The following GIP variants were observed in gnomAD, a reference collection of about 807,000 sequenced individuals.
GIP encodes gastric inhibitory polypeptide.
In GIP, 16 loss-of-function variants were observed where a neutral mutation model predicts 18.1. The observed-to-expected ratio is 0.88, with a 90% CI of 0.60 to 1.34. GIP has a LOEUF of 1.34. Ranked by LOEUF, GIP falls within the 40% of genes most tolerant of loss-of-function variation. The pLI, the probability that GIP is intolerant of heterozygous loss-of-function variation, is 0.00. For missense variants in GIP, 192 were observed against 183.4 expected (o/e 1.05, Z -0.27); for synonymous variants, 76 against 74.0 (o/e 1.03, Z -0.14).
At chr17:48,965,298 T>C (rs1215817614) in intron 2 of GIP, among the ~76,000 whole-genome samples, 3 of 42,372 alleles carry the variant, frequency 7.1e-5, no homozygotes, top group Non-Finnish European at 8.8e-5. Flanking sequence ...CAAAACTTCG[T>C]CTCAATAAAA....
chr17:48,967,333 G>T, intron 1 of GIP, 80 bp from the exon 2 acceptor site: 1 of 864,890 alleles, frequency 1.2e-6, no homozygotes, highest in Non-Finnish European at 1.9e-6. Flanking sequence ...AAAGCCCTGA[G>T]GTTTGGACCC....
rs772937706 is a variant in GIP, at chr17:48,964,490, A to T, written c.87-10T>A. The T allele has an allele frequency of 5.6e-6, 9 of 1,613,018 alleles. No homozygotes were observed. The highest frequency in any genetic ancestry group is 7.6e-6 in the Non-Finnish European group (9 of 1,179,348). ...CAGGGAGGGGAGAGCGCTGGAAACA[A>T]GGGTGCGGAGAAGGGGCAGAGATGG... is the stretch of plus-strand genomic sequence containing the variant. On this transcript the variant is annotated splice_polypyrimidine_tract_variant and intron_variant, in intron 2 of 5. Transcript: ENST00000357424.
chr17:48,967,321 G>T, intron 1 of GIP, 68 bp from the exon 2 acceptor site: 1 of 1,018,748 alleles, frequency 9.8e-7, no homozygotes, highest in Non-Finnish European at 1.6e-6. Flanking sequence ...CTGGAGAGGG[G>T]CAAAGCCCTG....
At chr17:48,965,015 T>C (rs1012481715) in intron 2 of GIP, among the ~76,000 whole-genome samples, 2 of 151,278 alleles carry the variant, frequency 1.3e-5, no homozygotes, top group Non-Finnish European at 2.9e-5. Flanking sequence ...GGTGGGCGCC[T>C]GTAGCCCCGG....
At chr17:48,959,528 T>C (rs1280443565) in intron 5 of GIP, among the ~76,000 whole-genome samples, 2 of 152,122 alleles carry the variant, frequency 1.3e-5, no homozygotes, top group African/African-American at 4.8e-5. Flanking sequence ...GTCTCACCCT[T>C]TAGGTGGACA....
chr17:48,963,766 G>A (rs1376503644), intron 3 of GIP, among the ~76,000 whole-genome samples: 1 of 150,078 alleles, frequency 6.7e-6, no homozygotes, highest in African/African-American at 2.5e-5. Context: ...TCCAGGAGGT[G>A]GAGGGTGGAG....
At chr17:48,961,940 A>T (rs8081301) in intron 3 of GIP, 121 bp from the exon 4 acceptor site, 192,520 of 692,946 alleles carry the variant, frequency 0.28, 27,977 homozygotes, top group Admixed American at 0.41. Flanking sequence ...ACCCCACCTA[A>T]CAGTGGTCTT....
In GIP at chr17:48,968,500, G is replaced by A. The variant is rs8078510; in HGVS notation, c.-22+17C>T. On this transcript the variant is annotated intron_variant, in intron 1 of 5. Transcript: ENST00000357424. The stretch of plus-strand genomic sequence containing the variant: ...CTCTCGGGTCATCTCATCCATCCCT[G>A]TCTCCACTTCTCTTACCAGACTTCC... 0.27 allele frequency: 41,126 copies of A among 152,018 alleles called. 5,826 individuals are homozygous for A. The highest frequency in any genetic ancestry group is 0.39 in the Admixed American group (5,957 of 15,238). The allele number at this position is 152,018 out of a possible 1,614,324, so 9.4% of individuals were successfully genotyped here.
At chr17:48,965,998 G>A (rs1345715797) in intron 2 of GIP, among the ~76,000 whole-genome samples, 5 of 151,906 alleles carry the variant, frequency 3.3e-5, no homozygotes, top group Non-Finnish European at 5.9e-5. Flanking sequence ...AGTGGCTCAC[G>A]CCTGTAATCC....
chr17:48,965,437 T>C (rs1236467089), intron 2 of GIP, among the ~76,000 whole-genome samples: 2 of 145,930 alleles, frequency 1.4e-5, no homozygotes, highest in African/African-American at 5.1e-5. Flanking sequence ...ACCCCGTCTC[T>C]ACTAAAAATA....
chr17:48,964,727 G>C (rs1312090335), intron 2 of GIP, among the ~76,000 whole-genome samples: 1 of 152,158 alleles, frequency 6.6e-6, no homozygotes, highest in Non-Finnish European at 1.5e-5. Flanking sequence ...CAGGGGCGGT[G>C]GCTCATGCCT....
At position 48,958,609 on chromosome 17, in the gene GIP, A is replaced by T; in HGVS notation, c.*98T>A. 3 of 957,256 alleles carry T rather than the reference A, an allele frequency of 3.1e-6. No individual in the cohort carries two copies. The highest frequency in any genetic ancestry group is 4.9e-6 in the Non-Finnish European group (3 of 611,086). The allele number at this position is 957,256 out of a possible 1,614,324, so 59.3% of individuals were successfully genotyped here. A position where few individuals can be genotyped will look rare whatever the true frequency, so the allele number is the denominator to read the frequency against. On this transcript the variant is annotated 3_prime_UTR_variant, in exon 6 of 6. Coordinates refer to ENST00000357424, the MANE Select transcript of GIP (RefSeq NM_004123.3). ...TCACAATGGGCTCGACTTAGCATAA[A>T]CTTTATTGGTTTGGGTTCTCTTGGC...
chr17:48,964,484 G>A lies in GIP; in HGVS notation c.87-4C>T. 1 of 1,613,554 alleles carries A rather than the reference G, an allele frequency of 6.2e-7. No homozygotes were observed. The highest frequency in any genetic ancestry group is 8.5e-7 in the Non-Finnish European group (1 of 1,179,644). On this transcript the variant is annotated splice_polypyrimidine_tract_variant and splice_region_variant and intron_variant, in intron 2 of 5. Transcript: ENST00000357424. ...AACAGGCAGGGAGGGGAGAGCGCTG[G>A]AAACAAGGGTGCGGAGAAGGGGCAG...
At chr17:48,958,856 C>CTTT (rs34610908) in intron 5 of GIP, 140 bp from the exon 6 acceptor site, 139 of 426,198 alleles carry the variant, frequency 3.3e-4, no homozygotes, top group Non-Finnish European at 3.9e-4. Flanking sequence ...TATCAATTTA[C>CTTT]TTTTTTTTTT....
At chr17:48,963,489 C>T (rs2041212190) in intron 3 of GIP, among the ~76,000 whole-genome samples, 2 of 147,344 alleles carry the variant, frequency 1.4e-5, no homozygotes, top group South Asian at 4.3e-4. Flanking sequence ...AACCCTGTCT[C>T]TACTGAAAAA....
intron 1 of GIP, 90 bp from the exon 2 acceptor site, chr17:48,967,343 C>G (rs2041240498): frequency 1.3e-6 from 1 of 769,000 alleles, no homozygotes; most frequent in African/African-American, 1.9e-5. Flanking sequence ...GGTTTGGACC[C>G]TTTCTTTTCC....
At chr17:48,963,375 G>C (rs1421729185) in intron 3 of GIP, among the ~76,000 whole-genome samples, 1 of 151,878 alleles carries the variant, frequency 6.6e-6, no homozygotes, top group Non-Finnish European at 1.5e-5. Flanking sequence ...TACAAAATTA[G>C]GCCAGGCGCA....
intron 2 of GIP, among the ~76,000 whole-genome samples, chr17:48,965,131 T>A (rs1465448581): frequency 6.2e-5 from 2 of 32,290 alleles, no homozygotes; most frequent in Admixed American, 3.9e-4. Context: ...AGAGCGAGAC[T>A]CCGTCTCAAA....
At position 48,964,407 on chromosome 17, in the gene GIP, C is replaced by T; in HGVS notation, c.160G>A (p.Glu54Lys). 6.2e-7 allele frequency: 1 copy of T among 1,613,982 alleles called. No homozygotes were observed. Among genetic ancestry groups the T allele is most frequent in the Non-Finnish European group, 8.5e-7 (1 of 1,179,912 alleles). The stretch of plus-strand genomic sequence containing the variant: ...CTGTAGTCACTGATGAAAGTCCCTT[C>T]CGCGTACCTGGGGCCTCGAGGTTGA... ...SPQPRGPRYA[E>K]GTFISDYSIA... is the part of the protein sequence containing the mutation. Residue 54 changes from glutamate (E) to lysine (K), a missense_variant, in exon 3 of 6, where the codon GAA becomes AAA. Transcript: ENST00000357424.
Sources: allele counts gnomAD v4.1 joint callset (sites outside exome capture counted in the v4.1 genomes callset), GRCh38; gene constraint gnomAD v4.1.1; transcripts MANE v1.5; gene names NCBI Gene and HGNC (gene_info 2026-07-23, HGNC 2026-07-21).